Variants in PI4KA observed in about 807,000 individuals in gnomAD.
The protein encoded by PI4KA is PI4-kinase alpha.
Under a neutral mutation model 271.4 loss-of-function variants are expected in PI4KA, and 122 were observed. The observed-to-expected ratio is 0.45, with a 90% CI of 0.39 to 0.52. The LOEUF is 0.52. PI4KA is among the 20% of genes least tolerant of loss of function. The pLI is 0.00. For synonymous variants in PI4KA, 1,041 were observed against 1,078.8 expected, an observed-to-expected ratio of 0.96 and a Z score of 0.69; for missense variants, 1,969 against 2,769.1, an observed-to-expected ratio of 0.71 and a Z score of 6.48.
chr22:20,721,427 G>A lies in PI4KA; in HGVS notation c.4996-9C>T, dbSNP rs765019200. The A allele has an allele frequency of 1.9e-6, 3 of 1,613,190 alleles. No homozygotes were observed. In the South Asian group the frequency reaches 3.3e-5, roughly 18 times the overall value. On this transcript the variant is annotated splice_polypyrimidine_tract_variant and intron_variant, in intron 42 of 54. Transcript: ENST00000255882. ...TCCCGCACATAGCCCATCTGCAGGA[G>A]AGCAAGGTCCCTGTCAGCCAGGCTC...
chr22:20,726,443 C>T (rs752488113), intron 42 of PI4KA, 45 bp downstream of exon 42: 1 of 1,490,096 alleles, frequency 6.7e-7, no homozygotes, highest in South Asian at 1.4e-5. Flanking sequence ...TGGTGTGGAA[C>T]ACACTCTGTG....
intron 2 of PI4KA, among the ~76,000 whole-genome samples, chr22:20,836,426 A>T (rs578077708): frequency 6.6e-6 from 1 of 152,386 alleles, no homozygotes; most frequent in East Asian, 1.9e-4. Flanking sequence ...ACATCTGTCG[A>T]GGATCCTAGT....
chr22:20,780,050 T>G, intron 19 of PI4KA: 1 of 1,614,200 alleles, frequency 6.2e-7, no homozygotes, highest in Non-Finnish European at 8.5e-7. Context: ...ATTACTTTGC[T>G]GAGGCCCAGA....
intron 32 of PI4KA, among the ~76,000 whole-genome samples, chr22:20,740,325 C>T (rs1601379514): frequency 6.7e-6 from 1 of 150,348 alleles, no homozygotes; most frequent in Non-Finnish European, 1.5e-5. Context: ...AAAAAGACTA[C>T]AGAGAATGTC....
rs567658536 is a variant in PI4KA at position 20,848,373 on chromosome 22, G to A, written c.157-9642C>T. On this transcript the variant is annotated intron_variant, in intron 1 of 54. Transcript: ENST00000255882. ...ACATGCTAACCCTAAAATTTCCATG[G>A]TAATTCAAGGGACCCAGAATAACAA... Among the ~76,000 whole-genome samples the A allele has an allele frequency of 4.4e-3, 667 of 152,060 alleles. 3 individuals are homozygous for A. Among genetic ancestry groups the A allele is most frequent in the Non-Finnish European group, 7.6e-3 (516 of 68,006 alleles).
rs116168134 is a variant in PI4KA, at chr22:20,855,811, T to G, written c.156+2759A>C. On this transcript the variant is annotated intron_variant, in intron 1 of 54. Coordinates refer to ENST00000255882, the MANE Select transcript of PI4KA (RefSeq NM_058004.4). ...AAGGAAAGCAGGTATTCAACATAAA[T>G]CATAGTTTGTAAAAAGGATCTAGGC... 6.5e-3 allele frequency among the ~76,000 whole-genome samples: 996 copies of G among 152,292 alleles called. 14 individuals are homozygous for G. The highest frequency in any genetic ancestry group is 0.023 in the African/African-American group (948 of 41,562).
At chr22:20,756,486 C>T (rs1453592951) in intron 23 of PI4KA, among the ~76,000 whole-genome samples, 1 of 152,008 alleles carries the variant, frequency 6.6e-6, no homozygotes, top group Non-Finnish European at 1.5e-5. Flanking sequence ...TCCCAAAGTG[C>T]TGGGATTACA....
rs764273859 is a variant in PI4KA at position 20,752,963 on chromosome 22, T to C, written c.2927A>G (p.Asn976Ser). ...CCTCCTTATCCTCTTGTGGATGTGGTTGAAGTTCACCAACAGGAACTGAGC... is the reference window on the plus strand; with the variant it reads ...CCTCCTTATCCTCTTGTGGATGTGGCTGAAGTTCACCAACAGGAACTGAGC... ...RHAQFLLVNF[N>S]HIHKRIRRVA... is the part of the protein sequence containing the mutation. The change falls in exon 25 of 55, where the codon AAC (asparagine) becomes AGC (serine). Residue 976 changes from asparagine to serine, a missense_variant. Around this residue, in one of 13 missense-constraint regions of PI4KA, gnomAD observed 368 missense variants for 544.3 expected, o/e 0.68. Coordinates refer to ENST00000255882, the MANE Select transcript of PI4KA (RefSeq NM_058004.4). 8.7e-6 allele frequency: 14 copies of C among 1,614,072 alleles called. No homozygotes were observed. Among genetic ancestry groups the C allele is most frequent in the African/African-American group, 5.3e-5 (4 of 74,948 alleles).
In PI4KA at chr22:20,759,402, C is replaced by CTTTTTTTTTTTTT. The variant is rs886192073; in HGVS notation, c.2791+1889_2791+1901dup. Among the ~76,000 whole-genome samples the CTTTTTTTTTTTTT allele has an allele frequency of 6.6e-3, 678 of 102,820 alleles. 23 individuals carry two copies. The highest frequency in any genetic ancestry group is 0.01 in the Non-Finnish European group (523 of 51,270). The allele number at this position is 102,820 out of a possible 152,430, so 67.5% of individuals were successfully genotyped here. ...TTGATTTTTCTTTTTCTTTTCTTTTCTTTTTTTTTTTTTTTTTTTTTGAGA... is the reference window on the plus strand; with the variant it reads ...TTGATTTTTCTTTTTCTTTTCTTTTCTTTTTTTTTTTTTTTTTTTTTTTTTTTTTTTTTTGAGA... On this transcript the variant is annotated intron_variant, in intron 23 of 54. Transcript: ENST00000255882.
intron 48 of PI4KA, 153 bp downstream of exon 48, chr22:20,713,128 G>A: frequency 1.4e-6 from 1 of 714,156 alleles, no homozygotes; most frequent in Non-Finnish European, 2.4e-6. Context: ...TCTGGGTTTT[G>A]CAGAAGCCCT....
intron 23 of PI4KA, among the ~76,000 whole-genome samples, chr22:20,756,937 A>G (rs1931376459): frequency 6.6e-6 from 1 of 152,052 alleles, no homozygotes. Context: ...CCCTAAGGTA[A>G]GTAAGATTTT....
intron 3 of PI4KA, among the ~76,000 whole-genome samples, chr22:20,832,017 T>C (rs1924242754): frequency 6.6e-6 from 1 of 152,186 alleles, no homozygotes; most frequent in Non-Finnish European, 1.5e-5. Flanking sequence ...GTTCATTCTT[T>C]ATTTTCTTTA....
At chr22:20,726,011 G>A (rs1168136709) in intron 42 of PI4KA, among the ~76,000 whole-genome samples, 2 of 144,228 alleles carry the variant, frequency 1.4e-5, no homozygotes, top group African/African-American at 5.9e-5. Flanking sequence ...CATGTTTTTT[G>A]TTTGTTTGTT....
At chr22:20,782,589 A>T (rs1933881695) in intron 19 of PI4KA, among the ~76,000 whole-genome samples, 2 of 152,246 alleles carry the variant, frequency 1.3e-5, no homozygotes, top group African/African-American at 4.8e-5. Context: ...AGTCAGAAGG[A>T]AAGAATCCCA....
chr22:20,828,471 G>C (rs1923729598), intron 3 of PI4KA, among the ~76,000 whole-genome samples: 1 of 152,120 alleles, frequency 6.6e-6, no homozygotes, highest in African/African-American at 2.4e-5. Flanking sequence ...TGACCATACA[G>C]TATAATGATG....
intron 39 of PI4KA, among the ~76,000 whole-genome samples, chr22:20,728,480 T>C (rs1235780485): frequency 6.6e-6 from 1 of 152,192 alleles, no homozygotes; most frequent in Non-Finnish European, 1.5e-5. Flanking sequence ...CTTACTCCTT[T>C]TCCTACCATA....
At chr22:20,716,912 A>G (rs2329479) in intron 45 of PI4KA, among the ~76,000 whole-genome samples, 1 of 152,212 alleles carries the variant, frequency 6.6e-6, no homozygotes, top group South Asian at 2.1e-4. Flanking sequence ...ACATCTGCAC[A>G]GGACAGAGTT....
At chr22:20,752,635 G>A (rs1930828122) in intron 25 of PI4KA, among the ~76,000 whole-genome samples, 2 of 152,216 alleles carry the variant, frequency 1.3e-5, no homozygotes, top group South Asian at 4.1e-4. Flanking sequence ...GCCAGAGTGG[G>A]TGGGACTGAG....
At chr22:20,709,783 G>T in intron 53 of PI4KA, 125 bp downstream of exon 53, 2 of 667,898 alleles carry the variant, frequency 3.0e-6, no homozygotes, top group Admixed American at 2.2e-5. Context: ...AACCCTGTCT[G>T]CTCTGAGGTT....
Sources: gnomAD v4.1 joint callset for allele counts (sites outside exome capture counted in the v4.1 genomes callset) on GRCh38, gnomAD v4.1.1 for gene constraint, gnomAD v4.1.1 regional missense constraint, MANE v1.5 for transcripts, NCBI Gene and HGNC (gene_info 2026-07-23, HGNC 2026-07-21) for gene names.